Variants in ABHD4 observed in about 807,000 individuals in gnomAD.
The protein encoded by ABHD4 is abhydrolase domain containing 4, N-acyl phospholipase B.
ABHD4 carries 35 observed loss-of-function variants against 42.3 expected under a neutral mutation model. That is an observed-to-expected ratio of 0.83 (90% CI 0.63 to 1.10). The LOEUF (loss-of-function observed/expected upper bound fraction) is 1.10. Among genes scored for constraint, ABHD4 ranks in the 50% least tolerant of loss-of-function variants. The pLI is 0.00. For synonymous variants in ABHD4, 169 were observed against 170.6 expected, an observed-to-expected ratio of 0.99 and a Z score of 0.07; for missense variants, 389 against 454.8, an observed-to-expected ratio of 0.86 and a Z score of 1.32.
chr14:22,600,376 C>G (rs1336355521), intron 1 of ABHD4, among the ~76,000 whole-genome samples: 3 of 152,204 alleles, frequency 2.0e-5, no homozygotes, highest in Admixed American at 2.0e-4. Flanking sequence ...GGCTCTAGTT[C>G]TGGTTCTTTT....
chr14:22,608,877 T>A (rs2037378247), intron 5 of ABHD4, among the ~76,000 whole-genome samples: 1 of 151,926 alleles, frequency 6.6e-6, no homozygotes, highest in East Asian at 1.9e-4. Flanking sequence ...AATTTTGTAT[T>A]TTTAGTAGAG....
chr14:22,604,048 A>G lies in ABHD4; in HGVS notation c.609A>G (p.Pro203=), dbSNP rs1489262763. 6.2e-7 allele frequency: 1 copy of G among 1,614,062 alleles called. No homozygotes were observed. Among genetic ancestry groups the G allele is most frequent in the South Asian group, 1.1e-5 (1 of 91,082 alleles). ...CATCTGTCCTAGGACGTTCCAATCC[A>G]TTGGCTGTTCTTCGAGTAGCTGGGC... The part of the protein sequence containing the change: ...AVASVLGRSN[P]LAVLRVAGPW... The change falls in exon 4 of 7, where the codon CCA becomes CCG. Residue 203 remains proline (P), a synonymous_variant. Transcript: ENST00000428304.
intron 4 of ABHD4, 35 bp from the exon 5 acceptor site, chr14:22,606,387 A>T (rs780463785): frequency 6.7e-7 from 1 of 1,499,416 alleles, no homozygotes; most frequent in Non-Finnish European, 9.2e-7. Context: ...CCACCTCCCA[A>T]ATTGGCCTGT....
At chr14:22,599,403 A>G (rs1566379873) in intron 1 of ABHD4, among the ~76,000 whole-genome samples, 1 of 152,202 alleles carries the variant, frequency 6.6e-6, no homozygotes, top group South Asian at 2.1e-4. Context: ...ATTCTCTCCC[A>G]GCACAGAACC....
chr14:22,609,854 A>C lies in ABHD4; in HGVS notation c.883A>C (p.Thr295Pro). ...MIYGSDTWID[T>P]STGKKVKMQR... Reference sequence around the variant, plus strand: ...CTACGGGTCCGACACCTGGATAGATACCAGTACGGGAAAAAAGGTGAAGAT... The same window carrying C: ...CTACGGGTCCGACACCTGGATAGATCCCAGTACGGGAAAAAAGGTGAAGAT... The change falls in exon 6 of 7, where the codon ACC (threonine) becomes CCC (proline). Residue 295 changes from threonine (T) to proline (P), a missense_variant. Coordinates refer to ENST00000428304, the MANE Select transcript of ABHD4 (RefSeq NM_022060.3). 1 of 1,614,132 alleles carries C rather than the reference A, an allele frequency of 6.2e-7. No homozygotes were observed. Among genetic ancestry groups the C allele is most frequent in the Non-Finnish European group, 8.5e-7 (1 of 1,180,028 alleles).
intron 6 of ABHD4, among the ~76,000 whole-genome samples, chr14:22,610,324 T>C (rs1328284975): frequency 6.6e-6 from 1 of 152,178 alleles, no homozygotes; most frequent in Non-Finnish European, 1.5e-5. Flanking sequence ...CCCAAAGTGC[T>C]CGTATTGTAC....
At chr14:22,602,645 C>T (rs1041819264) in intron 2 of ABHD4, among the ~76,000 whole-genome samples, 1 of 152,198 alleles carries the variant, frequency 6.6e-6, no homozygotes, top group South Asian at 2.1e-4. Context: ...GATGCAAGAG[C>T]TCTGTGGGGT....
At chr14:22,610,151 G>A (rs990297548) in intron 6 of ABHD4, among the ~76,000 whole-genome samples, 4 of 151,918 alleles carry the variant, frequency 2.6e-5, no homozygotes, top group African/African-American at 7.3e-5. Flanking sequence ...TCCGCCTCCC[G>A]GGTTCAAGCG....
At chr14:22,606,732 T>A (rs943104829) in intron 5 of ABHD4, among the ~76,000 whole-genome samples, 199 bp downstream of exon 5, 1 of 152,172 alleles carries the variant, frequency 6.6e-6, no homozygotes, top group African/African-American at 2.4e-5. Flanking sequence ...AATAGATTAA[T>A]TAAACATGCT....
intron 4 of ABHD4, 62 bp downstream of exon 4, chr14:22,604,141 C>T: frequency 6.4e-7 from 1 of 1,564,532 alleles, no homozygotes; most frequent in South Asian, 1.1e-5. Flanking sequence ...CCCACAGTGT[C>T]TTTCCCACTT....
intron 5 of ABHD4, among the ~76,000 whole-genome samples, chr14:22,608,459 C>T (rs181339756): frequency 3.0e-3 from 451 of 152,304 alleles, no homozygotes; most frequent in Non-Finnish European, 5.1e-3. Flanking sequence ...ATTACATTGG[C>T]ATTTGTTGTT....
Position 22,606,016 on chromosome 14 carries a change from G to A in ABHD4, c.641-406G>A, listed in dbSNP as rs563856770. On this transcript the variant is annotated intron_variant, in intron 4 of 6. Transcript: ENST00000428304. ...GTCGGGAGGTGGTCTAGTTCCATCCGCTACCATCAGAAGATTAAAAGGCCA... is the reference window on the plus strand; with the variant it reads ...GTCGGGAGGTGGTCTAGTTCCATCCACTACCATCAGAAGATTAAAAGGCCA... The A allele has an allele frequency of 3.2e-4, 135 of 416,290 alleles. 1 individual carries two copies. Among genetic ancestry groups the A allele is most frequent in the South Asian group, 2.2e-3 (118 of 53,728 alleles). 25.8% of individuals were successfully genotyped at this position (416,290 alleles called of 1,614,324 possible).
At chr14:22,602,606 C>A (rs2037298555) in intron 2 of ABHD4, among the ~76,000 whole-genome samples, 1 of 152,174 alleles carries the variant, frequency 6.6e-6, no homozygotes, top group Admixed American at 6.5e-5. Flanking sequence ...TCCATCAAGC[C>A]CCAAGCACAC....
intron 5 of ABHD4, among the ~76,000 whole-genome samples, chr14:22,607,100 G>A (rs1365093187): frequency 1.3e-5 from 2 of 152,134 alleles, no homozygotes; most frequent in Non-Finnish European, 2.9e-5. Context: ...CTCAATGAAA[G>A]AGCATGCATT....
At chr14:22,608,222 C>A (rs1018664709) in intron 5 of ABHD4, among the ~76,000 whole-genome samples, 1 of 152,128 alleles carries the variant, frequency 6.6e-6, no homozygotes, top group Non-Finnish European at 1.5e-5. Flanking sequence ...TTTCTGATGG[C>A]CTGGGCAGAA....
intron 5 of ABHD4, among the ~76,000 whole-genome samples, chr14:22,609,310 A>C (rs972912197): frequency 2.6e-5 from 4 of 152,136 alleles, no homozygotes; most frequent in African/African-American, 9.7e-5. Flanking sequence ...AGAAATTTTA[A>C]ATTAAATAAC....
chr14:22,605,087 T>A (rs1447245581), intron 4 of ABHD4, among the ~76,000 whole-genome samples: 5 of 152,172 alleles, frequency 3.3e-5, no homozygotes, highest in African/African-American at 1.2e-4. Flanking sequence ...GCACCACATC[T>A]TCACCTGCTC....
In ABHD4 at chr14:22,603,411, C is replaced by G. The variant is rs1183368045; in HGVS notation, c.134C>G (p.Ala45Gly). 8 of 1,614,060 alleles carry G rather than the reference C, an allele frequency of 5.0e-6. No homozygotes were observed. The highest frequency in any genetic ancestry group is 6.8e-6 in the Non-Finnish European group (8 of 1,180,046). ...CCAGGTCTCCAGAATAAGTTCCTGG[C>G]CAGATATGTATCCCTCCCAAACCAG... ...ILQCLQNKFLARYVSLPNQNK... is the reference protein window; with the variant it reads ...ILQCLQNKFLGRYVSLPNQNK... The change falls in exon 3 of 7, where the codon GCC becomes GGC. Residue 45 changes from alanine (A) to glycine (G), a missense_variant. Transcript: ENST00000428304.
Position 22,603,615 on chromosome 14 carries a change from T to C in ABHD4, c.338T>C (p.Phe113Ser). 1 of 1,614,170 alleles carries C rather than the reference T, an allele frequency of 6.2e-7. No individual in the cohort carries two copies. Among genetic ancestry groups the C allele is most frequent in the Non-Finnish European group, 8.5e-7 (1 of 1,180,030 alleles). The change falls in exon 3 of 7, where the codon TTC becomes TCC. Residue 113 changes from phenylalanine to serine, a missense_variant. Physicochemically the swap from Phe to Ser is radical, Grantham distance 155 (BLOSUM62 -2). Around this residue, in one of 3 missense-constraint regions of ABHD4, gnomAD observed 38 missense variants for 72.1 expected, o/e 0.53. Transcript: ENST00000428304. ...TTCGGGCGAAGCTCAAGGCCAGCAT[T>C]CCCAAGGGACCCGGAGGGGGCTGAG... ...LGFGRSSRPA[F>S]PRDPEGAEDE... is the part of the protein sequence containing the mutation.
Sources: allele counts gnomAD v4.1 joint callset (sites outside exome capture counted in the v4.1 genomes callset), GRCh38; gene constraint gnomAD v4.1.1; regional missense constraint gnomAD v4.1.1; transcripts MANE v1.5; gene names NCBI Gene and HGNC (gene_info 2026-07-23, HGNC 2026-07-21).